The following PSME4 variants were observed in gnomAD, a reference collection of about 807,000 sequenced individuals.
PSME4 encodes the protein proteasome activator subunit 4.
Under a neutral mutation model 253.9 loss-of-function variants are expected in PSME4, and 89 were observed. The observed-to-expected ratio is 0.35, with a 90% CI of 0.30 to 0.42. The LOEUF (loss-of-function observed/expected upper bound fraction) is 0.42, where lower values mean the gene tolerates loss of function less well. PSME4 is among the 10% of genes least tolerant of loss of function. The probability of loss-of-function intolerance (pLI) is 1.00; values close to 1 mark genes in which losing one functional copy is unlikely to be tolerated. For missense variants in PSME4, 2,014 were observed against 2,195.2 expected (o/e 0.92, Z 1.65); for synonymous variants, 851 against 759.2 (o/e 1.12, Z -1.99).
At chr2:53,918,219 T>C (rs1668144138) in intron 20 of PSME4, among the ~76,000 whole-genome samples, 1 of 152,340 alleles carries the variant, frequency 6.6e-6, no homozygotes, top group African/African-American at 2.4e-5. Flanking sequence ...GAATGTGATT[T>C]ACATGTGATT....
chr2:53,943,777 G>A (rs1036842983), intron 3 of PSME4, among the ~76,000 whole-genome samples: 3 of 149,844 alleles, frequency 2.0e-5, no homozygotes, highest in Non-Finnish European at 4.4e-5. Flanking sequence ...GGGAGGCGGA[G>A]GTTGCGGTGA....
chr2:53,906,126 T>C lies in PSME4; in HGVS notation c.2943+472A>G, dbSNP rs552164683. ...TCCACTTTTCTGTGCTTGCAGATAA[T>C]CTCTTGTTCCTACACTAAAGGACAG... On this transcript the variant is annotated intron_variant, in intron 26 of 46. Transcript: ENST00000404125. Among the ~76,000 whole-genome samples the C allele has an allele frequency of 2.6e-5, 4 of 152,174 alleles. No individual in the cohort carries two copies. In the South Asian group the frequency reaches 6.2e-4, roughly 24 times the overall value.
chr2:53,920,283 A>G lies in PSME4; in HGVS notation c.2330T>C (p.Val777Ala). 1 of 1,613,968 alleles carries G rather than the reference A, an allele frequency of 6.2e-7. No homozygotes were observed. Among genetic ancestry groups the G allele is most frequent in the Non-Finnish European group, 8.5e-7 (1 of 1,179,902 alleles). The change falls in exon 19 of 47, where the codon GTG (valine) becomes GCG (alanine). Residue 777 changes from valine (V) to alanine (A), a missense_variant. This residue lies in a region of PSME4 where 989 missense variants were observed against 1,021.1 expected (regional missense o/e 0.97). Transcript: ENST00000404125. Reference protein sequence around the residue: ...IQWHVPSSEEVSFAFYLLDSF... With the variant: ...IQWHVPSSEEASFAFYLLDSF... Reference sequence around the variant, plus strand: ...GTCCAAAAGATAAAAGGCAAAAGACACTTCTTCTGAAGAAGGAACATGCCA... The same window carrying G: ...GTCCAAAAGATAAAAGGCAAAAGACGCTTCTTCTGAAGAAGGAACATGCCA...
chr2:53,907,309 T>C (rs1257516463), intron 24 of PSME4, among the ~76,000 whole-genome samples: 1 of 152,190 alleles, frequency 6.6e-6, no homozygotes, highest in African/African-American at 2.4e-5. Context: ...TCATTTAAGC[T>C]TTTATCCATA....
chr2:53,879,800 TCAA>T, intron 41 of PSME4, among the ~76,000 whole-genome samples: 1 of 49,914 alleles, frequency 2.0e-5, no homozygotes, highest in Middle Eastern at 0.016. Flanking sequence ...AGACCCTGTC[TCAA>T]AAAAAAAAAA....
intron 9 of PSME4, among the ~76,000 whole-genome samples, 184 bp downstream of exon 9, chr2:53,932,484 T>C (rs1668878179): frequency 6.6e-6 from 1 of 152,178 alleles, no homozygotes; most frequent in Admixed American, 6.5e-5. Context: ...AGTTACCACA[T>C]CAATATTATT....
At chr2:53,918,154 A>G (rs1384050415) in intron 20 of PSME4, among the ~76,000 whole-genome samples, 1 of 152,166 alleles carries the variant, frequency 6.6e-6, no homozygotes, top group Admixed American at 6.5e-5. Context: ...GAAAATCAGT[A>G]AATCATTTTC....
At position 53,940,998 on chromosome 2, in the gene PSME4, T is replaced by TATATATATATGA. The variant is rs1553338492; in HGVS notation, c.501-999_501-998insTCATATATATAT. ...ATATATATATATATATATATATATA[T>TATATATATATGA]ATGAAAGGAGTAAGTTTCAGGCAAT... On this transcript the variant is annotated intron_variant, in intron 3 of 46. Coordinates refer to ENST00000404125, the MANE Select transcript of PSME4 (RefSeq NM_014614.3). Among the ~76,000 whole-genome samples, 53 of 85,900 alleles carry TATATATATATGA rather than the reference T, an allele frequency of 6.2e-4. 5 individuals are homozygous for TATATATATATGA. Among genetic ancestry groups the TATATATATATGA allele is most frequent in the South Asian group, 1.9e-3 (4 of 2,104 alleles). 56.4% of individuals were successfully genotyped at this position (85,900 alleles called of 152,430 possible).
chr2:53,888,927 C>T, intron 37 of PSME4, 115 bp from the exon 38 acceptor site: 1 of 813,342 alleles, frequency 1.2e-6, no homozygotes, highest in Non-Finnish European at 1.9e-6. Context: ...CTCTGTTGCC[C>T]AGGCTGGAGT....
chr2:53,935,298 G>A lies in PSME4; in HGVS notation c.835-571C>T, dbSNP rs188175257. On this transcript the variant is annotated intron_variant, in intron 7 of 46. Transcript: ENST00000404125. ...CAATAGGTAGCGGCCCAAAGGTGGG[G>A]AGAAATGATTTCTCTTCCACAATTA... Among the ~76,000 whole-genome samples the A allele has an allele frequency of 3.6e-3, 552 of 152,252 alleles. 2 individuals are homozygous for A. Among genetic ancestry groups the A allele is most frequent in the Non-Finnish European group, 6.5e-3 (444 of 68,016 alleles).
At chr2:53,931,007 G>A (rs1466860931) in intron 10 of PSME4, among the ~76,000 whole-genome samples, 1 of 152,258 alleles carries the variant, frequency 6.6e-6, no homozygotes, top group Non-Finnish European at 1.5e-5. Context: ...GCCGGGCACA[G>A]TGGCTCACAC....
At chr2:53,871,619 GACGTCTATTA>G (rs1466631784) in intron 43 of PSME4, among the ~76,000 whole-genome samples, 1 of 152,142 alleles carries the variant, frequency 6.6e-6, no homozygotes, top group African/African-American at 2.4e-5. Context: ...GTTTTGATGT[GACGTCTATTA>G]ACTCAAAGGC....
chr2:53,876,900 T>A (rs1679158422), intron 41 of PSME4, among the ~76,000 whole-genome samples: 2 of 151,224 alleles, frequency 1.3e-5, no homozygotes, highest in African/African-American at 4.9e-5. Flanking sequence ...TTTTTAAATG[T>A]ATGGTAGAGA....
At chr2:53,922,458 T>C (rs1243168033) in intron 17 of PSME4, 59 bp downstream of exon 17, 1 of 1,559,412 alleles carries the variant, frequency 6.4e-7, no homozygotes, top group East Asian at 2.3e-5. Flanking sequence ...AAGAGCTAAA[T>C]CCTAAAAGCA....
chr2:53,869,032 A>G (rs553199291), intron 44 of PSME4, among the ~76,000 whole-genome samples: 1 of 152,336 alleles, frequency 6.6e-6, no homozygotes, highest in South Asian at 2.1e-4. Context: ...TAGTACATCT[A>G]CATTTAAGTT....
chr2:53,918,076 C>T (rs1369205668), intron 20 of PSME4, among the ~76,000 whole-genome samples: 3 of 152,100 alleles, frequency 2.0e-5, no homozygotes, highest in Admixed American at 6.6e-5. Context: ...AATGACTACA[C>T]AAAGTATGGG....
chr2:53,915,693 T>C (rs1668027491), intron 20 of PSME4, among the ~76,000 whole-genome samples: 1 of 152,112 alleles, frequency 6.6e-6, no homozygotes, highest in Non-Finnish European at 1.5e-5. Flanking sequence ...CACGGCAATC[T>C]TAATACTAAG....
chr2:53,895,504 A>G, intron 33 of PSME4, 79 bp downstream of exon 33: 1 of 1,408,434 alleles, frequency 7.1e-7, no homozygotes, highest in Non-Finnish European at 9.6e-7. Flanking sequence ...AGTGCCTCTG[A>G]ACCTCCCCAG....
At chr2:53,963,237 G>T (rs80158655) in intron 1 of PSME4, among the ~76,000 whole-genome samples, 1 of 151,840 alleles carries the variant, frequency 6.6e-6, no homozygotes, top group Non-Finnish European at 1.5e-5. Context: ...GAGATGGGAG[G>T]ATCGCTCGAG....
Sources: gnomAD v4.1 joint callset for allele counts (sites outside exome capture counted in the v4.1 genomes callset) on GRCh38, gnomAD v4.1.1 for gene constraint, gnomAD v4.1.1 regional missense constraint, MANE v1.5 for transcripts, NCBI Gene and HGNC (gene_info 2026-07-23, HGNC 2026-07-21) for gene names.